Variants in CKAP2L observed in about 807,000 individuals in gnomAD.
CKAP2L encodes cytoskeleton-associated protein 2-like.
Under a neutral mutation model 65.7 loss-of-function variants are expected in CKAP2L, and 42 were observed. The ratio of observed to expected loss-of-function variants is 0.64; its 90% confidence interval spans 0.50 to 0.83. The LOEUF (loss-of-function observed/expected upper bound fraction) is 0.83, where lower values mean the gene tolerates loss of function less well. Among genes scored for constraint, CKAP2L ranks in the 40% least tolerant of loss-of-function variants. The pLI, the probability that CKAP2L is intolerant of heterozygous loss-of-function variation, is 0.00. For synonymous variants in CKAP2L, 325 were observed against 313.5 expected (o/e 1.04, Z -0.39); for missense variants, 908 against 871.0 (o/e 1.04, Z -0.53).
Position 112,756,092 on chromosome 2 carries a change from G to C in CKAP2L, c.1279C>G (p.Pro427Ala). 6.2e-7 allele frequency: 1 copy of C among 1,614,124 alleles called. No homozygotes were observed. Among genetic ancestry groups the C allele is most frequent in the Non-Finnish European group, 8.5e-7 (1 of 1,180,024 alleles). Residue 427 changes from proline (P) to alanine (A), a missense_variant, in exon 4 of 9, where the codon CCC becomes GCC. Transcript: ENST00000302450. ...TLDSKLKKAV[P>A]QNHFLNKTAP... ...GTCTTGTTCAGAAAATGGTTCTGGG[G>C]AACAGCCTTTTTCAACTTGGAGTCC...
At chr2:112,762,424 G>A in intron 2 of CKAP2L, 79 bp downstream of exon 2, 1 of 1,067,170 alleles carries the variant, frequency 9.4e-7, no homozygotes, top group Non-Finnish European at 1.5e-6. Context: ...AAGCAAAAGG[G>A]ACATTTTTCA....
chr2:112,743,652 G>A (rs1389050441), intron 6 of CKAP2L, among the ~76,000 whole-genome samples: 1 of 151,718 alleles, frequency 6.6e-6, no homozygotes, highest in Non-Finnish European at 1.5e-5. Flanking sequence ...TGGCCAGGCT[G>A]GTCTCAAACT....
At chr2:112,763,670 G>A (rs1343889671) in intron 1 of CKAP2L, 1 of 150,762 alleles carries the variant, frequency 6.6e-6, no homozygotes, top group Non-Finnish European at 1.5e-5. Flanking sequence ...TGTGAAGGAA[G>A]ACAAAAAGAC....
intron 6 of CKAP2L, among the ~76,000 whole-genome samples, chr2:112,745,001 GA>G (rs921058741): frequency 3.9e-5 from 6 of 152,086 alleles, no homozygotes; most frequent in Non-Finnish European, 7.4e-5. Flanking sequence ...GTAGGAAGAA[GA>G]AAACTAATAT....
At chr2:112,739,952 A>T (rs1248618407) in intron 8 of CKAP2L, among the ~76,000 whole-genome samples, 1 of 151,246 alleles carries the variant, frequency 6.6e-6, no homozygotes, top group African/African-American at 2.4e-5. Flanking sequence ...CCATGTGCCC[A>T]GCCTTTTCAT....
rs115127306 is a variant in CKAP2L at position 112,760,283 on chromosome 2, C to T, written c.156+430G>A. On this transcript the variant is annotated intron_variant, in intron 3 of 8. Coordinates refer to ENST00000302450, the MANE Select transcript of CKAP2L (RefSeq NM_152515.5). ...AGCTATTTAACTTCATGGCAGCATA[C>T]CAAAGTGGTTAAGATCACAGGCTCT... Among the ~76,000 whole-genome samples, 787 of 152,248 alleles carry T rather than the reference C, an allele frequency of 5.2e-3. 6 individuals carry two copies. The highest frequency in any genetic ancestry group is 0.018 in the African/African-American group (747 of 41,546).
At chr2:112,739,088 T>A (rs1259441827) in intron 8 of CKAP2L, 40 bp from the exon 9 acceptor site, 22 of 1,429,952 alleles carry the variant, frequency 1.5e-5, no homozygotes, top group African/African-American at 5.7e-5. Flanking sequence ...CCTTATCATT[T>A]AAAAAAATTA....
chr2:112,756,287 T>C lies in CKAP2L; in HGVS notation c.1084A>G (p.Ile362Val), dbSNP rs376935665. The C allele has an allele frequency of 6.2e-7, 1 of 1,613,976 alleles. No individual in the cohort carries two copies. The highest frequency in any genetic ancestry group is 8.5e-7 in the Non-Finnish European group (1 of 1,179,988). The change falls in exon 4 of 9, where the codon ATA (isoleucine) becomes GTA (valine). Residue 362 changes from isoleucine to valine, a missense_variant. By Grantham distance (29) the Ile-to-Val change is conservative. Coordinates refer to ENST00000302450, the MANE Select transcript of CKAP2L (RefSeq NM_152515.5). ...TGCAGTACACATGATGTCTGAGGTA[T>C]ACAAACTTGGCTGGACTTCTGATCT... ...KQDQKSSQVC[I>V]PQTSCVLQKS...
chr2:112,742,751 T>C lies in CKAP2L; in HGVS notation c.1777A>G (p.Lys593Glu), dbSNP rs746117908. The change falls in exon 7 of 9, where the codon AAA becomes GAA. Residue 593 changes from lysine to glutamate, a missense_variant. Lys to Glu is a moderately conservative substitution (Grantham distance 56). Coordinates refer to ENST00000302450, the MANE Select transcript of CKAP2L (RefSeq NM_152515.5). ...TCTTGCAAGATATTAAGAACAACTT[T>C]CCGCAACTCTTGTATTGGCTGGAAG... ...NGATPIQELRKVVLNILQDSN... is the reference protein window; with the variant it reads ...NGATPIQELREVVLNILQDSN... 6.2e-7 allele frequency: 1 copy of C among 1,609,646 alleles called. No homozygotes were observed. The highest frequency in any genetic ancestry group is 2.2e-5 in the East Asian group (1 of 44,838).
rs148979924 is a variant in CKAP2L at position 112,742,453 on chromosome 2, T to C, written c.1822+253A>G. The C allele has an allele frequency of 4.2e-4, 300 of 717,842 alleles. No individual in the cohort carries two copies. In the East Asian group the frequency reaches 8.0e-3, roughly 19 times the overall value. The allele number at this position is 717,842 out of a possible 1,614,324, so 44.5% of individuals were successfully genotyped here. On this transcript the variant is annotated intron_variant, in intron 7 of 8. Coordinates refer to ENST00000302450, the MANE Select transcript of CKAP2L (RefSeq NM_152515.5). ...GCTGTTTGTCTTCTGCCATCTAGGA[T>C]TCCAAGGAAGTGGGACACTCCAGTC...
chr2:112,758,060 T>G (rs1680598185), intron 3 of CKAP2L, among the ~76,000 whole-genome samples: 1 of 152,208 alleles, frequency 6.6e-6, no homozygotes, highest in African/African-American at 2.4e-5. Flanking sequence ...GCCTGAGATA[T>G]GCTGCCACAG....
chr2:112,749,612 GAA>G (rs11348915), intron 5 of CKAP2L, among the ~76,000 whole-genome samples: 1 of 149,586 alleles, frequency 6.7e-6, no homozygotes, highest in Non-Finnish European at 1.5e-5. Flanking sequence ...ATTAACAGCA[GAA>G]AAAAAAAATC....
Position 112,746,321 on chromosome 2 carries a change from T to C in CKAP2L, c.1758+99A>G, listed in dbSNP as rs1306335463. The C allele has an allele frequency of 8.5e-6, 8 of 939,896 alleles. No homozygotes were observed. The Admixed American group carries it at 1.7e-4, about 20-fold the overall frequency. The allele number at this position is 939,896 out of a possible 1,614,324, so 58.2% of individuals were successfully genotyped here. A position where few individuals can be genotyped will look rare whatever the true frequency, so the allele number is the denominator to read the frequency against. On this transcript the variant is annotated intron_variant, in intron 6 of 8. Transcript: ENST00000302450. ...GGTATGACTTTATAAGTGTTGGATA[T>C]TGATGTTGCAAACTTCTAACCATCA...
At position 112,742,788 on chromosome 2, in the gene CKAP2L, A is replaced by G. The variant is rs1680058548; in HGVS notation, c.1759-19T>C. On this transcript the variant is annotated intron_variant, in intron 6 of 8. Transcript: ENST00000302450. The stretch of plus-strand genomic sequence containing the variant: ...GTATTGGCTGGAAGGAAGGAAGAAA[A>G]CATACAAAATCTTAAAAACATTCAT... 1 of 1,583,512 alleles carries G rather than the reference A, an allele frequency of 6.3e-7. No individual in the cohort carries two copies. The highest frequency in any genetic ancestry group is 1.4e-5 in the African/African-American group (1 of 73,584).
rs374624935 is a variant in CKAP2L at position 112,764,580 on chromosome 2, T to C, written c.19A>G (p.Thr7Ala). The change falls in exon 1 of 9, where the codon ACC (threonine) becomes GCC (alanine). Residue 7 changes from threonine (T) to alanine (A), a missense_variant. Thr to Ala is a moderately conservative substitution (Grantham distance 58). Coordinates refer to ENST00000302450, the MANE Select transcript of CKAP2L (RefSeq NM_152515.5). ...TACTCACCGACAGCGGCAGCAGCGGTAGGCCCGGGCCCCACCATGACTCTT... is the reference window on the plus strand; with the variant it reads ...TACTCACCGACAGCGGCAGCAGCGGCAGGCCCGGGCCCCACCATGACTCTT... MVGPGP[T>A]AAAAVEERQR... The C allele has an allele frequency of 1.2e-4, 194 of 1,614,044 alleles. No homozygotes were observed. The African/African-American group carries it at 2.0e-3, about 17-fold the overall frequency.
intron 2 of CKAP2L, 151 bp downstream of exon 2, chr2:112,762,352 G>A (rs1410571397): frequency 2.7e-5 from 17 of 638,728 alleles, no homozygotes; most frequent in Non-Finnish European, 4.8e-5. Flanking sequence ...TTTTTGTCAT[G>A]CCTGGACTGA....
intron 2 of CKAP2L, among the ~76,000 whole-genome samples, chr2:112,761,768 G>A (rs989825836): frequency 2.6e-5 from 4 of 152,084 alleles, no homozygotes; most frequent in African/African-American, 9.7e-5. Context: ...CTTGTTAAGC[G>A]CCATTATCTC....
In CKAP2L at chr2:112,750,840, T is replaced by C. The variant is rs529333428; in HGVS notation, c.1602+1427A>G. On this transcript the variant is annotated intron_variant, in intron 5 of 8. Coordinates refer to ENST00000302450, the MANE Select transcript of CKAP2L (RefSeq NM_152515.5). ...ACTTTTAAATGATCTAAGGTTTCAATTAAAAAGCTAGGAAAAGAGCAATAA... is the reference window on the plus strand; with the variant it reads ...ACTTTTAAATGATCTAAGGTTTCAACTAAAAAGCTAGGAAAAGAGCAATAA... Among the ~76,000 whole-genome samples, 13 of 149,742 alleles carry C rather than the reference T, an allele frequency of 8.7e-5. No individual in the cohort carries two copies. The East Asian group carries it at 1.7e-3, about 20-fold the overall frequency.
Position 112,756,814 on chromosome 2 carries a change from T to G in CKAP2L, c.557A>C (p.Glu186Ala). ...LDNFLKETNKENLLDILTEPE... is the reference protein window; with the variant it reads ...LDNFLKETNKANLLDILTEPE... ...TTCTGTTAAGATATCGAGCAAGTTC[T>G]CTTTGTTTGTTTCTTTTAGAAAGTT... The change falls in exon 4 of 9, where the codon GAG (glutamate) becomes GCG (alanine). Residue 186 changes from glutamate to alanine, a missense_variant. Transcript: ENST00000302450. The G allele has an allele frequency of 6.2e-7, 1 of 1,602,526 alleles. No individual in the cohort carries two copies. Among genetic ancestry groups the G allele is most frequent in the South Asian group, 1.1e-5 (1 of 88,586 alleles).
Sources: allele counts gnomAD v4.1 joint callset (sites outside exome capture counted in the v4.1 genomes callset), GRCh38; gene constraint gnomAD v4.1.1; transcripts MANE v1.5; gene names NCBI Gene and HGNC (gene_info 2026-07-23, HGNC 2026-07-21).